The following WWP1 variants were observed in gnomAD, a reference collection of about 807,000 sequenced individuals.
The protein encoded by WWP1 is WW domain containing E3 ubiquitin protein ligase 1, also known as NEDD4-like E3 ubiquitin-protein ligase WWP1.
WWP1 carries 49 observed loss-of-function variants against 130.6 expected under a neutral mutation model. The observed-to-expected ratio is 0.38, with a 90% CI of 0.30 to 0.48. The LOEUF (loss-of-function observed/expected upper bound fraction) is 0.48. WWP1 is among the 20% of genes least tolerant of loss of function. The probability of loss-of-function intolerance (pLI) is 0.99; values close to 1 mark genes in which losing one functional copy is unlikely to be tolerated. For missense variants in WWP1, 809 were observed against 1,100.6 expected (o/e 0.74, Z 3.75); for synonymous variants, 332 against 367.8 (o/e 0.90, Z 1.11).
chr8:86,447,320 GCAGTGGCA>G (rs1368478015), intron 18 of WWP1, among the ~76,000 whole-genome samples: 1 of 152,184 alleles, frequency 6.6e-6, no homozygotes, highest in Non-Finnish European at 1.5e-5. Flanking sequence ...AGGCTGGAGT[GCAGTGGCA>G]CGATCTTGGC....
intron 2 of WWP1, among the ~76,000 whole-genome samples, chr8:86,372,736 T>C (rs955547511): frequency 1.3e-5 from 2 of 152,182 alleles, no homozygotes; most frequent in African/African-American, 4.8e-5. Flanking sequence ...TTATATGCAT[T>C]GGTCTGTTTT....
chr8:86,437,367 G>A (rs1810349065), intron 16 of WWP1, among the ~76,000 whole-genome samples: 1 of 152,192 alleles, frequency 6.6e-6, no homozygotes, highest in East Asian at 1.9e-4. Flanking sequence ...TTATAGCTGA[G>A]TTCCTTTCCT....
chr8:86,436,945 A>G (rs1195857099), intron 16 of WWP1, among the ~76,000 whole-genome samples: 1 of 141,060 alleles, frequency 7.1e-6, no homozygotes, highest in Non-Finnish European at 1.5e-5. Flanking sequence ...AACTATTATC[A>G]AGTTGATTTT....
intron 5 of WWP1, among the ~76,000 whole-genome samples, chr8:86,385,273 G>T (rs1409102165): frequency 6.6e-6 from 1 of 152,172 alleles, no homozygotes; most frequent in Admixed American, 6.5e-5. Context: ...CCAGTGGAGG[G>T]ATGTTCTGCA....
intron 5 of WWP1, among the ~76,000 whole-genome samples, chr8:86,394,838 G>T (rs944796726): frequency 6.8e-6 from 1 of 146,236 alleles, no homozygotes; most frequent in African/African-American, 2.5e-5. Flanking sequence ...AATATATACT[G>T]TAAACACCCT....
intron 1 of WWP1, among the ~76,000 whole-genome samples, chr8:86,351,800 G>A (rs541288000): frequency 3.9e-5 from 6 of 152,096 alleles, no homozygotes; most frequent in South Asian, 2.1e-4. Flanking sequence ...TTGTCAAAGC[G>A]CAATCCTTAT....
intron 9 of WWP1, among the ~76,000 whole-genome samples, chr8:86,413,102 A>G (rs112074281): frequency 1.8e-3 from 269 of 152,330 alleles, no homozygotes; most frequent in African/African-American, 6.3e-3. Flanking sequence ...CTGGGATTAC[A>G]GGTGTGAGCC....
chr8:86,351,735 G>A (rs1167963122), intron 1 of WWP1, among the ~76,000 whole-genome samples: 1 of 152,120 alleles, frequency 6.6e-6, no homozygotes, highest in Admixed American at 6.5e-5. Context: ...TGTGCAGCCT[G>A]GGAACAAGAA....
intron 20 of WWP1, among the ~76,000 whole-genome samples, chr8:86,452,257 T>C (rs2130756814): frequency 6.6e-6 from 1 of 152,338 alleles, no homozygotes; most frequent in Middle Eastern, 3.4e-3. Context: ...TGCTAGGATT[T>C]GGCTATCTTA....
Position 86,411,818 on chromosome 8 carries a change from T to G in WWP1, c.1005T>G (p.Cys335Trp). 6.2e-7 allele frequency: 1 copy of G among 1,614,046 alleles called. No homozygotes were observed. Among genetic ancestry groups the G allele is most frequent in the Non-Finnish European group, 8.5e-7 (1 of 1,180,014 alleles). ...EAAKSRQPDGCMDPVRQQSGN... is the reference protein window; with the variant it reads ...EAAKSRQPDGWMDPVRQQSGN... Reference sequence around the variant, plus strand: ...CCAAATCAAGACAGCCAGATGGGTGTATGGATCCTGTACGGCAGCAGTCTG... The same window carrying G: ...CCAAATCAAGACAGCCAGATGGGTGGATGGATCCTGTACGGCAGCAGTCTG... Residue 335 changes from cysteine to tryptophan, a missense_variant, in exon 9 of 25, where the codon TGT becomes TGG. Physicochemically the swap from Cys to Trp is radical, Grantham distance 215. This residue lies in a region of WWP1 where 97 missense variants were observed against 80.4 expected (regional missense o/e 1.21). Coordinates refer to ENST00000517970, the MANE Select transcript of WWP1 (RefSeq NM_007013.4).
chr8:86,411,073 AC>A (rs1808556051), intron 8 of WWP1, among the ~76,000 whole-genome samples: 1 of 152,166 alleles, frequency 6.6e-6, no homozygotes, highest in African/African-American at 2.4e-5. Flanking sequence ...GGTTCTTGCA[AC>A]CCCTATAGTA....
chr8:86,438,187 C>T (rs959847982), intron 16 of WWP1, among the ~76,000 whole-genome samples: 14 of 152,094 alleles, frequency 9.2e-5, no homozygotes, highest in African/African-American at 3.1e-4. Context: ...ATATACTGTT[C>T]ATTAAGTAAA....
At chr8:86,408,471 G>A (rs1292196095) in intron 8 of WWP1, among the ~76,000 whole-genome samples, 2 of 152,182 alleles carry the variant, frequency 1.3e-5, no homozygotes, top group Non-Finnish European at 2.9e-5. Context: ...CCACTGCAGT[G>A]AATGAGAATT....
At chr8:86,399,517 T>C (rs1168210057) in intron 7 of WWP1, among the ~76,000 whole-genome samples, 2 of 152,244 alleles carry the variant, frequency 1.3e-5, no homozygotes, top group Non-Finnish European at 2.9e-5. Flanking sequence ...TGACAAAGTG[T>C]GACTTTTATT....
At chr8:86,455,880 A>G (rs1811417255) in intron 21 of WWP1, among the ~76,000 whole-genome samples, 1 of 151,984 alleles carries the variant, frequency 6.6e-6, no homozygotes, top group Non-Finnish European at 1.5e-5. Flanking sequence ...CTAACACCAT[A>G]GTAAATAAGA....
At chr8:86,431,850 A>G (rs889593509) in intron 14 of WWP1, 107 bp downstream of exon 14, 1 of 1,462,162 alleles carries the variant, frequency 6.8e-7, no homozygotes. Flanking sequence ...TTTTGGTTCA[A>G]GAAAACCTAC....
chr8:86,414,884 C>T (rs1410522967), intron 9 of WWP1, among the ~76,000 whole-genome samples: 1 of 80,996 alleles, frequency 1.2e-5, no homozygotes, highest in Non-Finnish European at 2.5e-5. Context: ...CTGAATCCCC[C>T]CCCCATCCCC....
chr8:86,377,793 T>C (rs1290638933), intron 3 of WWP1, among the ~76,000 whole-genome samples: 1 of 152,130 alleles, frequency 6.6e-6, no homozygotes, highest in Non-Finnish European at 1.5e-5. Context: ...AAGGATGAGA[T>C]TGAAGAAAAA....
At chr8:86,459,967 T>C (rs980357283) in intron 22 of WWP1, among the ~76,000 whole-genome samples, 1 of 152,248 alleles carries the variant, frequency 6.6e-6, no homozygotes, top group African/African-American at 2.4e-5. Context: ...CTGAAATATT[T>C]TGGGTCATGA....
Sources: gnomAD v4.1 joint callset for allele counts (sites outside exome capture counted in the v4.1 genomes callset) on GRCh38, gnomAD v4.1.1 for gene constraint, gnomAD v4.1.1 regional missense constraint, MANE v1.5 for transcripts, NCBI Gene and HGNC (gene_info 2026-07-23, HGNC 2026-07-21) for gene names.